The following CCNC variants were observed in gnomAD, a reference collection of about 807,000 sequenced individuals.
CCNC encodes cyclin-C.
A neutral mutation model predicts 50.0 loss-of-function variants in CCNC; 19 were observed. The ratio of observed to expected loss-of-function variants is 0.38; its 90% CI spans 0.27 to 0.56. The LOEUF (loss-of-function observed/expected upper bound fraction) is 0.56, where lower values mean the gene tolerates loss of function less well. CCNC is among the 20% of genes least tolerant of loss of function. The pLI is 0.72. For missense variants in CCNC, 200 were observed against 327.1 expected (o/e 0.61, Z 3.00); for synonymous variants, 93 against 103.7 (o/e 0.90, Z 0.63).
intron 1 of CCNC, among the ~76,000 whole-genome samples, chr6:99,564,193 G>A (rs1933164094): frequency 6.6e-6 from 1 of 152,096 alleles, no homozygotes; most frequent in Admixed American, 6.6e-5. Context: ...GGGAGGCCGA[G>A]GTGGGTGGAT....
At chr6:99,554,717 C>T (rs371723621) in intron 5 of CCNC, among the ~76,000 whole-genome samples, 2 of 152,178 alleles carry the variant, frequency 1.3e-5, no homozygotes, top group East Asian at 1.9e-4. Context: ...AAGAGATGGT[C>T]CAGGTCCATC....
intron 5 of CCNC, among the ~76,000 whole-genome samples, chr6:99,553,231 A>C (rs999031967): frequency 3.3e-5 from 5 of 152,174 alleles, no homozygotes; most frequent in Admixed American, 3.3e-4. Context: ...TTTAAATTTA[A>C]GACGTACCTA....
chr6:99,568,563 G>A lies in CCNC; in HGVS notation c.-36C>T. On this transcript the variant is annotated 5_prime_UTR_variant, in exon 1 of 12. Transcript: ENST00000520429. ...TTGCCCTGATAAAAAAGCACCAGCC[G>A]GCGGAGCGGCCCGCGGAGCGACCAT... 10 of 1,606,428 alleles carry A rather than the reference G, an allele frequency of 6.2e-6. No homozygotes were observed. The highest frequency in any genetic ancestry group is 1.1e-5 in the South Asian group (1 of 89,756).
chr6:99,545,284 A>G, intron 10 of CCNC, 54 bp from the exon 11 acceptor site: 1 of 880,604 alleles, frequency 1.1e-6, no homozygotes, highest in Non-Finnish European at 1.9e-6. Context: ...AACATTTTTT[A>G]TATAAAGAGC....
rs1802212669 is a variant in CCNC at position 99,549,646 on chromosome 6, AG to A, written c.531-72del. The A allele has an allele frequency of 1.4e-5, 14 of 965,560 alleles. No homozygotes were observed. The East Asian group carries it at 3.5e-4, about 24-fold the overall frequency. 59.8% of individuals were successfully genotyped at this position (965,560 alleles called of 1,614,324 possible). A position where few individuals can be genotyped will look rare whatever the true frequency, so the allele number is the denominator to read the frequency against. On this transcript the variant is annotated intron_variant, in intron 8 of 11. Transcript: ENST00000520429. ...ATCTGATTGTATATTTCCTCCAGAG[AG>A]GGCCAGATTTCCCATCTTTGCACAC...
intron 5 of CCNC, 132 bp downstream of exon 5, chr6:99,558,365 A>G: frequency 7.1e-7 from 1 of 1,411,566 alleles, no homozygotes; most frequent in African/African-American, 1.5e-5. Flanking sequence ...ACTAGATATA[A>G]AGTTATCCTC....
At chr6:99,562,191 A>G (rs1187859022) in intron 2 of CCNC, 5 of 152,274 alleles carry the variant, frequency 3.3e-5, no homozygotes, top group Non-Finnish European at 7.3e-5. Context: ...CGCCCAGCTA[A>G]TTTTTGTATT....
intron 9 of CCNC, among the ~76,000 whole-genome samples, chr6:99,547,444 G>C (rs13205324): frequency 2.0e-5 from 3 of 151,694 alleles, no homozygotes; most frequent in Non-Finnish European, 4.4e-5. Context: ...CTGAAAGGGT[G>C]GGGGAGGGTC....
chr6:99,550,848 T>C (rs1583573710), intron 7 of CCNC, 145 bp downstream of exon 7: 1 of 373,426 alleles, frequency 2.7e-6, no homozygotes, highest in South Asian at 5.6e-5. Flanking sequence ...TAGGTGCTAA[T>C]ATAAATAGGC....
At chr6:99,552,398 T>C (rs1802336304) in intron 5 of CCNC, among the ~76,000 whole-genome samples, 1 of 152,174 alleles carries the variant, frequency 6.6e-6, no homozygotes, top group South Asian at 2.1e-4. Context: ...CTTTTTACAA[T>C]GACCAGGTAT....
At chr6:99,555,708 T>G (rs536035829) in intron 5 of CCNC, among the ~76,000 whole-genome samples, 1 of 152,232 alleles carries the variant, frequency 6.6e-6, no homozygotes, top group African/African-American at 2.4e-5. Flanking sequence ...TCCCAAAGTG[T>G]TCGGATTATA....
At chr6:99,544,307 A>T (rs1206942863) in intron 11 of CCNC, 10 of 1,532,912 alleles carry the variant, frequency 6.5e-6, no homozygotes, top group Middle Eastern at 1.7e-4. Context: ...AGCTGTTTGA[A>T]TGACTGCCTT....
chr6:99,554,593 G>T (rs563451823), intron 5 of CCNC, among the ~76,000 whole-genome samples: 42 of 152,216 alleles, frequency 2.8e-4, no homozygotes, highest in African/African-American at 1.0e-3. Flanking sequence ...AATTCTTTCA[G>T]CTTTGGTCAG....
chr6:99,556,786 T>A (rs965703750), intron 5 of CCNC, among the ~76,000 whole-genome samples: 1 of 152,194 alleles, frequency 6.6e-6, no homozygotes, highest in Non-Finnish European at 1.5e-5. Flanking sequence ...CCCGGCGTGG[T>A]GGCACACACC....
At chr6:99,558,211 G>A (rs1346163803) in intron 5 of CCNC, 1 of 402,154 alleles carries the variant, frequency 2.5e-6, no homozygotes, top group Non-Finnish European at 4.3e-6. Flanking sequence ...TTCGGAAACA[G>A]AATTTTTTCT....
intron 5 of CCNC, among the ~76,000 whole-genome samples, chr6:99,554,520 C>T (rs886468535): frequency 6.6e-6 from 1 of 152,144 alleles, no homozygotes; most frequent in Non-Finnish European, 1.5e-5. Context: ...AGTATGGACT[C>T]ATGGATATTT....
chr6:99,555,532 G>T (rs1802479651), intron 5 of CCNC, among the ~76,000 whole-genome samples: 1 of 150,486 alleles, frequency 6.6e-6, no homozygotes, highest in Admixed American at 6.6e-5. Context: ...TGAACTCCTG[G>T]GCTTAGGCAA....
At chr6:99,562,768 A>G in intron 2 of CCNC, 74 bp downstream of exon 2, 1 of 802,060 alleles carries the variant, frequency 1.2e-6, no homozygotes, top group Middle Eastern at 3.3e-4. Flanking sequence ...ACAGTTCACA[A>G]ATTACCACAC....
intron 11 of CCNC, chr6:99,544,357 G>T: frequency 1.6e-6 from 2 of 1,268,944 alleles, no homozygotes; most frequent in South Asian, 1.4e-5. Context: ...TTTCCAAATT[G>T]TAACATTAAC....
Sources: gnomAD v4.1 joint callset for allele counts (sites outside exome capture counted in the v4.1 genomes callset) on GRCh38, gnomAD v4.1.1 for gene constraint, MANE v1.5 for transcripts, NCBI Gene and HGNC (gene_info 2026-07-23, HGNC 2026-07-21) for gene names.